Variants in RYR1 observed in about 807,000 individuals in gnomAD.
RYR1 encodes the protein central core disease of muscle.
In RYR1, 342 loss-of-function variants were observed where a neutral mutation model predicts 583.5. The observed-to-expected ratio is 0.59, with a 90% CI of 0.54 to 0.64. The LOEUF (loss-of-function observed/expected upper bound fraction) is 0.64. RYR1 is among the 30% of genes least tolerant of loss of function. RYR1 has a pLI of 0.00. For missense variants in RYR1, 6,032 were observed against 6,917.2 expected (o/e 0.87, Z 4.54); for synonymous variants, 2,791 against 2,822.5 (o/e 0.99, Z 0.35).
At position 38,483,069 on chromosome 19, in the gene RYR1, C is replaced by A. The variant is rs1227349596; in HGVS notation, c.4663C>A (p.Pro1555Thr). 6.2e-7 allele frequency: 1 copy of A among 1,614,028 alleles called. No individual in the cohort carries two copies. The highest frequency in any genetic ancestry group is 8.5e-7 in the Non-Finnish European group (1 of 1,180,020). The change falls in exon 32 of 106, where the codon CCC becomes ACC. Residue 1555 changes from proline to threonine, a missense_variant. By Grantham distance (38) the Pro-to-Thr change is conservative. Around this residue, in one of 11 missense-constraint regions of RYR1, gnomAD observed 2,627 missense variants for 2,961.3 expected, o/e 0.89. Coordinates refer to ENST00000359596, the MANE Select transcript of RYR1 (RefSeq NM_000540.3). This position sits in a 1 kb window ranked among gnomAD's most constrained non-coding sequence, Gnocchi z 6.3. ...TKLFPAVFVL[P>T]THQNVIQFEL... ...GCTATTTCCTGCCGTCTTCGTCCTG[C>A]CCACCCACCAGAACGTCATCCAGTT...
At chr19:38,558,101 G>A (rs527651305) in intron 89 of RYR1, among the ~76,000 whole-genome samples, 156 of 152,194 alleles carry the variant, frequency 1.0e-3, no homozygotes, top group African/African-American at 3.5e-3. Context: ...TTGAGCCCAG[G>A]AGTTCAAGAC....
In RYR1 at chr19:38,543,082, TCTGC is replaced by T. The variant is rs1412540994; in HGVS notation, c.11690-257_11690-254del. 6.6e-6 allele frequency among the ~76,000 whole-genome samples: 1 copy of T among 152,148 alleles called. No homozygotes were observed. Among genetic ancestry groups the T allele is most frequent in the Non-Finnish European group, 1.5e-5 (1 of 68,032 alleles). On this transcript the variant is annotated intron_variant, in intron 84 of 105. Coordinates refer to ENST00000359596, the MANE Select transcript of RYR1 (RefSeq NM_000540.3). This position sits in a 1 kb window ranked among gnomAD's most constrained non-coding sequence, Gnocchi z 4.4. The stretch of plus-strand genomic sequence containing the variant: ...GTCTCAAACTCCTGACCTCAGGTGA[TCTGC>T]CTGCCTGGGCCTCCCAAAGTGCTGG...
chr19:38,519,497 C>T, intron 67 of RYR1, 43 bp downstream of exon 67: 10 of 1,560,708 alleles, frequency 6.4e-6, no homozygotes, highest in Non-Finnish European at 8.7e-6. Context: ...GCCCCGACCT[C>T]CCACGTCCTC....
rs533836912 is a variant in RYR1 at position 38,545,254 on chromosome 19, G to A, written c.12013-1191G>A. Among the ~76,000 whole-genome samples the A allele has an allele frequency of 6.6e-5, 10 of 152,218 alleles. No individual in the cohort carries two copies. In the South Asian group the frequency reaches 1.0e-3, roughly 16 times the overall value. On this transcript the variant is annotated intron_variant, in intron 87 of 105. Coordinates refer to ENST00000359596, the MANE Select transcript of RYR1 (RefSeq NM_000540.3). Reference sequence around the variant, plus strand: ...CTCTGACTGTGGGATGGGGGACTCCGCAGGTGAAAATTGAGGGATTGTAAA... The same window carrying A: ...CTCTGACTGTGGGATGGGGGACTCCACAGGTGAAAATTGAGGGATTGTAAA...
intron 17 of RYR1, 138 bp from the exon 18 acceptor site, chr19:38,457,913 C>A: frequency 1.1e-6 from 1 of 915,788 alleles, no homozygotes; most frequent in Non-Finnish European, 1.8e-6. Context: ...CTTGATTCTT[C>A]CTCCATGTCT....
At chr19:38,441,218 G>A (rs935288307) in intron 2 of RYR1, among the ~76,000 whole-genome samples, 2 of 147,966 alleles carry the variant, frequency 1.4e-5, no homozygotes, top group African/African-American at 2.5e-5. Context: ...GTTGGGGAAC[G>A]GGTCTCAGGA....
Position 38,584,848 on chromosome 19 carries a change from C to T in RYR1, c.14647-95C>T, listed in dbSNP as rs1599673877. Reference sequence around the variant, plus strand: ...GGGCAGGGCCCAGGGCTGTCTCAGTCGTTACCATGTCTTCAGCCCTGCCTA... The same window carrying T: ...GGGCAGGGCCCAGGGCTGTCTCAGTTGTTACCATGTCTTCAGCCCTGCCTA... On this transcript the variant is annotated intron_variant, in intron 101 of 105. Transcript: ENST00000359596. The T allele has an allele frequency of 6.8e-6, 10 of 1,476,696 alleles. No homozygotes were observed. In the East Asian group the frequency reaches 1.2e-4, roughly 17 times the overall value. 91.5% of individuals were successfully genotyped at this position (1,476,696 alleles called of 1,614,324 possible).
intron 88 of RYR1, among the ~76,000 whole-genome samples, chr19:38,547,824 G>T (rs917804894): frequency 3.3e-5 from 5 of 150,188 alleles, no homozygotes; most frequent in African/African-American, 1.2e-4. Flanking sequence ...AGCAATTCTC[G>T]TGCCTCAGCC....
rs1022459562 is a variant in RYR1, at chr19:38,499,742, G to T, written c.7135G>T (p.Ala2379Ser). The change falls in exon 44 of 106, where the codon GCC (alanine) becomes TCC (serine). Residue 2379 changes from alanine to serine, a missense_variant. Physicochemically the swap from Ala to Ser is moderately conservative, Grantham distance 99 (BLOSUM62 1). Around this residue, in one of 11 missense-constraint regions of RYR1, gnomAD observed 2,627 missense variants for 2,961.3 expected, o/e 0.89. Transcript: ENST00000359596. This position sits in a 1 kb window ranked among gnomAD's most constrained non-coding sequence, Gnocchi z 7.3. ...TGAGGGTGGCTCAGGGCTGCTGGCT[G>T]CCATCGAAGAGGCCATCCGCATCTC... Reference protein sequence around the residue: ...RGEGGSGLLAAIEEAIRISED... With the variant: ...RGEGGSGLLASIEEAIRISED... 4 of 1,601,686 alleles carry T rather than the reference G, an allele frequency of 2.5e-6. No individual in the cohort carries two copies. The highest frequency in any genetic ancestry group is 2.5e-6 in the Non-Finnish European group (3 of 1,179,326).
At chr19:38,554,800 T>C (rs1972812650) in intron 89 of RYR1, among the ~76,000 whole-genome samples, 1 of 152,146 alleles carries the variant, frequency 6.6e-6, no homozygotes, top group Non-Finnish European at 1.5e-5. Context: ...TACTGATTTA[T>C]TCCTGGTCAG....
chr19:38,453,287 G>C (rs1389848706), intron 13 of RYR1, among the ~76,000 whole-genome samples: 2 of 151,514 alleles, frequency 1.3e-5, no homozygotes, highest in African/African-American at 4.9e-5. Context: ...GGGGCCTGGA[G>C]AGAAGGATGG....
chr19:38,503,068 G>A (rs912844186), intron 49 of RYR1, 98 bp downstream of exon 49: 12 of 1,204,530 alleles, frequency 1.0e-5, no homozygotes, highest in Middle Eastern at 1.9e-4. Context: ...GCACTGCCCA[G>A]CCCAATAAAC....
rs59468283 is a variant in RYR1 at position 38,572,119 on chromosome 19, C to G, written c.13847C>G (p.Ala4616Gly). 1 of 1,614,056 alleles carries G rather than the reference C, an allele frequency of 6.2e-7. No homozygotes were observed. The change falls in exon 95 of 106, where the codon GCC becomes GGC. Residue 4616 changes from alanine to glycine, a missense_variant. Physicochemically the swap from Ala to Gly is moderately conservative, Grantham distance 60. Transcript: ENST00000359596. ...SGGSSGWGLG[A>G]GEEAEGDEDE... ...GGCAGCTCTGGCTGGGGCTTGGGGG[C>G]CGGAGAGGAGGCAGAGGGCGATGAG...
rs1968823844 is a variant in RYR1 at position 38,478,003 on chromosome 19, C to A, written c.4454+133C>A. 7.0e-6 allele frequency: 6 copies of A among 855,166 alleles called. No homozygotes were observed. In the South Asian group the frequency reaches 9.4e-5, roughly 13 times the overall value. 53.0% of individuals were successfully genotyped at this position (855,166 alleles called of 1,614,324 possible). ...TCTGGAGCGGGAGGATTCTCTGGGG[C>A]ACTGGGCACCCAGCTCGGAAGCTTC... On this transcript the variant is annotated intron_variant, in intron 30 of 105. Coordinates refer to ENST00000359596, the MANE Select transcript of RYR1 (RefSeq NM_000540.3).
intron 38 of RYR1, among the ~76,000 whole-genome samples, chr19:38,494,123 A>T (rs1969688159): frequency 6.6e-6 from 1 of 152,144 alleles, no homozygotes; most frequent in Admixed American, 6.5e-5. Flanking sequence ...GAGCTGTGAT[A>T]GCCCCACAGC....
At chr19:38,568,581 C>CA (rs59369147) in intron 93 of RYR1, among the ~76,000 whole-genome samples, 10,173 of 64,886 alleles carry the variant, frequency 0.16, 448 homozygotes, top group Middle Eastern at 0.29. Flanking sequence ...ACTAAAAATA[C>CA]AAAAAAAAAA....
intron 89 of RYR1, 138 bp downstream of exon 89, chr19:38,548,558 A>T (rs1254087347): frequency 2.5e-6 from 2 of 791,154 alleles, no homozygotes; most frequent in Non-Finnish European, 2.1e-6. Flanking sequence ...AGGATAAAAC[A>T]GTCCTTGGGT....
chr19:38,577,793 CAAA>C, intron 97 of RYR1, 122 bp from the exon 98 acceptor site: 1 of 1,052,298 alleles, frequency 9.5e-7, no homozygotes, highest in Non-Finnish European at 1.3e-6. Context: ...GAGACTGTCT[CAAA>C]AAAAAAAATG....
intron 102 of RYR1, 108 bp downstream of exon 102, chr19:38,585,207 T>C (rs974832470): frequency 5.9e-6 from 8 of 1,361,078 alleles, no homozygotes; most frequent in Non-Finnish European, 7.1e-6. Flanking sequence ...TCTCTACCTC[T>C]CGCTACTGTG....
Sources: gnomAD v4.1 joint callset for allele counts (sites outside exome capture counted in the v4.1 genomes callset) on GRCh38, gnomAD v4.1.1 for gene constraint, gnomAD v4.1.1 regional missense constraint, Gnocchi (gnomAD v3.1) non-coding constraint, MANE v1.5 for transcripts, NCBI Gene and HGNC (gene_info 2026-07-23, HGNC 2026-07-21) for gene names.